Variants in EPHA5 observed in about 807,000 individuals in gnomAD.
EPHA5 encodes the protein EPH receptor A5.
A neutral mutation model predicts 105.0 loss-of-function variants in EPHA5; 60 were observed. The ratio of observed to expected loss-of-function variants is 0.57; its 90% CI spans 0.46 to 0.71. The LOEUF (loss-of-function observed/expected upper bound fraction) is 0.71, where lower values mean the gene tolerates loss of function less well. Ranked by LOEUF, EPHA5 falls within the 30% of genes least tolerant of loss-of-function variation. The pLI is 0.00. For synonymous variants in EPHA5, 513 were observed against 449.1 expected, an observed-to-expected ratio of 1.14 and a Z score of -1.80; for missense variants, 1,218 against 1,274.7, an observed-to-expected ratio of 0.96 and a Z score of 0.68.
At chr4:65,414,196 C>G (rs1013996026) in intron 7 of EPHA5, 88 bp downstream of exon 7, 1 of 1,158,302 alleles carries the variant, frequency 8.6e-7, no homozygotes, top group Non-Finnish European at 1.3e-6. Context: ...GTGAGACTGA[C>G]AGAGTGCCCA....
chr4:65,345,048 A>T (rs1722082426), intron 14 of EPHA5, among the ~76,000 whole-genome samples: 1 of 152,172 alleles, frequency 6.6e-6, no homozygotes, highest in Non-Finnish European at 1.5e-5. Flanking sequence ...CAGTTTCTTA[A>T]TTGTAAAACA....
chr4:65,421,168 T>A (rs2149039158), intron 5 of EPHA5, among the ~76,000 whole-genome samples: 1 of 152,240 alleles, frequency 6.6e-6, no homozygotes, highest in Middle Eastern at 3.4e-3. Context: ...CTTCTGGTGA[T>A]CATCACAATT....
rs573986115 is a variant in EPHA5, at chr4:65,614,807, A to G, written c.247-12503T>C. ...GTTTGGAAATATATGGTGCATTTAA[A>G]AGTGTTTTAAACCTGGGATCTTTAC... On this transcript the variant is annotated intron_variant, in intron 2 of 16. Coordinates refer to ENST00000613740, the MANE Select transcript of EPHA5 (RefSeq NM_001281766.3). 3.9e-5 allele frequency among the ~76,000 whole-genome samples: 6 copies of G among 151,954 alleles called. No individual in the cohort carries two copies. The South Asian group carries it at 1.2e-3, about 31-fold the overall frequency.
chr4:65,626,659 T>C (rs1746187205), intron 2 of EPHA5, among the ~76,000 whole-genome samples: 1 of 152,196 alleles, frequency 6.6e-6, no homozygotes, highest in Non-Finnish European at 1.5e-5. Flanking sequence ...CCATTACGTA[T>C]AGTTTCAAAT....
chr4:65,400,758 C>G (rs1466270757), intron 8 of EPHA5, among the ~76,000 whole-genome samples: 1 of 151,816 alleles, frequency 6.6e-6, no homozygotes, highest in Non-Finnish European at 1.5e-5. Flanking sequence ...CTTTTTTTGT[C>G]TAAATAAAAA....
intron 1 of EPHA5, among the ~76,000 whole-genome samples, chr4:65,658,725 G>A (rs552777553): frequency 6.6e-6 from 1 of 152,114 alleles, no homozygotes; most frequent in East Asian, 1.9e-4. Context: ...AAGTCACACA[G>A]CTCTAAGTAG....
intron 3 of EPHA5, among the ~76,000 whole-genome samples, chr4:65,549,960 A>G (rs563613564): frequency 6.6e-6 from 1 of 152,224 alleles, no homozygotes; most frequent in South Asian, 2.1e-4. Context: ...TTCATTTATA[A>G]AACTAAATAT....
At chr4:65,487,417 TA>T (rs1417954121) in intron 5 of EPHA5, among the ~76,000 whole-genome samples, 3 of 152,118 alleles carry the variant, frequency 2.0e-5, no homozygotes, top group African/African-American at 7.2e-5. Context: ...TTTGTAAAAC[TA>T]ACAAATTAGC....
At chr4:65,521,630 G>T (rs977811063) in intron 3 of EPHA5, among the ~76,000 whole-genome samples, 1 of 151,770 alleles carries the variant, frequency 6.6e-6, no homozygotes, top group Non-Finnish European at 1.5e-5. Flanking sequence ...ATTTTGGGGG[G>T]TATCCAAATT....
intron 4 of EPHA5, among the ~76,000 whole-genome samples, chr4:65,493,410 G>T (rs1390935240): frequency 6.6e-6 from 1 of 151,960 alleles, no homozygotes; most frequent in East Asian, 1.9e-4. Context: ...AAAATTTGAA[G>T]TTGGAGCTAT....
At chr4:65,484,384 C>T (rs1435313281) in intron 5 of EPHA5, among the ~76,000 whole-genome samples, 5 of 152,118 alleles carry the variant, frequency 3.3e-5, no homozygotes, top group African/African-American at 1.2e-4. Flanking sequence ...TTATAATGTC[C>T]TCCAGACATT....
At chr4:65,486,681 A>G (rs1730911960) in intron 5 of EPHA5, among the ~76,000 whole-genome samples, 1 of 152,262 alleles carries the variant, frequency 6.6e-6, no homozygotes, top group Non-Finnish European at 1.5e-5. Context: ...ATATTTAGGC[A>G]TTAAAAACTA....
chr4:65,471,762 C>T (rs1046203892), intron 5 of EPHA5, among the ~76,000 whole-genome samples: 2 of 152,090 alleles, frequency 1.3e-5, no homozygotes, highest in African/African-American at 4.8e-5. Context: ...GGAAACTGCC[C>T]CCATGATCCA....
chr4:65,430,421 T>C (rs1724861705), intron 5 of EPHA5, among the ~76,000 whole-genome samples: 2 of 152,040 alleles, frequency 1.3e-5, no homozygotes, highest in Admixed American at 6.6e-5. Flanking sequence ...TGAGAATTGT[T>C]TAACAAATAT....
chr4:65,621,441 T>C (rs1745698125), intron 2 of EPHA5, among the ~76,000 whole-genome samples: 1 of 152,136 alleles, frequency 6.6e-6, no homozygotes, highest in Non-Finnish European at 1.5e-5. Context: ...CATTAGCACA[T>C]AGTAAGTACA....
At chr4:65,620,327 G>A (rs1745605209) in intron 2 of EPHA5, among the ~76,000 whole-genome samples, 1 of 151,892 alleles carries the variant, frequency 6.6e-6, no homozygotes, top group African/African-American at 2.4e-5. Flanking sequence ...TCAGAATCCT[G>A]GCTCTTGACT....
intron 5 of EPHA5, among the ~76,000 whole-genome samples, chr4:65,454,228 C>A (rs764665899): frequency 1.3e-5 from 2 of 151,862 alleles, no homozygotes; most frequent in Non-Finnish European, 1.5e-5. Context: ...TGCAGTGAGT[C>A]GAGTTCGTGC....
At chr4:65,342,435 T>C (rs1034819593) in intron 14 of EPHA5, among the ~76,000 whole-genome samples, 1 of 152,038 alleles carries the variant, frequency 6.6e-6, no homozygotes, top group African/African-American at 2.4e-5. Context: ...GGATGAGAAC[T>C]AAATTCCTCA....
At chr4:65,561,440 C>T (rs6826448) in intron 3 of EPHA5, among the ~76,000 whole-genome samples, 78,180 of 151,746 alleles carry the variant, frequency 0.52, 20,446 homozygotes, top group African/African-American at 0.54. Flanking sequence ...TTCATAAGCA[C>T]GGGCATCATT....
Sources: allele counts gnomAD v4.1 joint callset (sites outside exome capture counted in the v4.1 genomes callset), GRCh38; gene constraint gnomAD v4.1.1; transcripts MANE v1.5; gene names NCBI Gene and HGNC (gene_info 2026-07-23, HGNC 2026-07-21).